Variants in CD68 observed in about 807,000 individuals in gnomAD.
The protein encoded by CD68 is CD68 molecule, also known as macrosialin.
In CD68, 24 loss-of-function variants were observed where a neutral mutation model predicts 31.3. That is an observed-to-expected ratio of 0.77 (90% CI 0.55 to 1.08). The LOEUF (loss-of-function observed/expected upper bound fraction) is 1.08. Ranked by LOEUF, CD68 falls within the 50% of genes least tolerant of loss-of-function variation. The pLI is 0.00. For missense variants in CD68, 461 were observed against 442.5 expected, an observed-to-expected ratio of 1.04 and a Z score of -0.38; for synonymous variants, 190 against 179.6, an observed-to-expected ratio of 1.06 and a Z score of -0.46.
rs747711312 is a variant in CD68 at position 7,580,592 on chromosome 17, C to G, written c.687+7C>G. 8 of 1,613,868 alleles carry G rather than the reference C, an allele frequency of 5.0e-6. No homozygotes were observed. The Admixed American group carries it at 1.3e-4, about 27-fold the overall frequency. On this transcript the variant is annotated splice_region_variant and intron_variant, in intron 3 of 5. Coordinates refer to ENST00000250092, the MANE Select transcript of CD68 (RefSeq NM_001251.3). This position sits in a 1 kb window ranked among gnomAD's most constrained non-coding sequence, Gnocchi z 4.3. ...CAGCTTTGGATTCATGCAGGTATAG[C>G]CATGACCTCAGTCTCACCCCTCACT...
chr17:7,580,927 T>TC lies in CD68; in HGVS notation c.793dup (p.Arg265ProfsTer53), dbSNP rs765881362. 1 of 1,613,810 alleles carries TC rather than the reference T, an allele frequency of 6.2e-7. No homozygotes were observed. The highest frequency in any genetic ancestry group is 8.5e-7 in the Non-Finnish European group (1 of 1,179,918). On this transcript the variant is annotated frameshift_variant, in exon 5 of 6. Transcript: ENST00000250092. LOFTEE classifies it high-confidence loss of function. This position sits in a 1 kb window ranked among gnomAD's most constrained non-coding sequence, Gnocchi z 4.3. ...CATTCTCGGCTCAGAATGCATCCCT[T>TC]CGAGATCTCCAAGCACCCCTGGGGC...
At position 7,581,891 on chromosome 17, in the gene CD68, C is replaced by G. The variant is rs2071490642; in HGVS notation, c.*380C>G. 1 of 232,872 alleles carries G rather than the reference C, an allele frequency of 4.3e-6. No homozygotes were observed. The highest frequency in any genetic ancestry group is 8.8e-6 in the Non-Finnish European group (1 of 113,402). The allele number at this position is 232,872 out of a possible 1,614,324, so 14.4% of individuals were successfully genotyped here. On this transcript the variant is annotated 3_prime_UTR_variant, in exon 6 of 6. Coordinates refer to ENST00000250092, the MANE Select transcript of CD68 (RefSeq NM_001251.3). ...AGTGAGCCGTCATCGCGCCACTAAGCCAAGATCGCGCCACTGCACTCCAGC... is the reference window on the plus strand; with the variant it reads ...AGTGAGCCGTCATCGCGCCACTAAGGCAAGATCGCGCCACTGCACTCCAGC...
Position 7,579,814 on chromosome 17 carries a change from G to C in CD68, c.54G>C (p.Gln18His). 12 of 1,612,770 alleles carry C rather than the reference G, an allele frequency of 7.4e-6. No homozygotes were observed. Among genetic ancestry groups the C allele is most frequent in the Non-Finnish European group, 1.0e-5 (12 of 1,179,124 alleles). Residue 18 changes from glutamine (Q) to histidine (H), a missense_variant, in exon 2 of 6, where the codon CAG becomes CAC. By Grantham distance (24) the Gln-to-His change is conservative. Coordinates refer to ENST00000250092, the MANE Select transcript of CD68 (RefSeq NM_001251.3). ...SGALLGLLAAQGTGNDCPHKK... is the reference protein window; with the variant it reads ...SGALLGLLAAHGTGNDCPHKK... Reference sequence around the variant, plus strand: ...CCATCTCCTCTCTGCCAAAAGCCCAGGGGACAGGGAATGACTGTCCTCACA... The same window carrying C: ...CCATCTCCTCTCTGCCAAAAGCCCACGGGACAGGGAATGACTGTCCTCACA...
chr17:7,581,242 CT>C (rs2071481235), intron 5 of CD68, 135 bp from the exon 6 acceptor site: 1 of 1,234,512 alleles, frequency 8.1e-7, no homozygotes, highest in African/African-American at 1.5e-5. Flanking sequence ...CAGTTTCCCC[CT>C]TTTATCACTG....
rs1201561941 is a variant in CD68, at chr17:7,580,353, G to A, written c.567+26G>A. 8.1e-6 allele frequency: 13 copies of A among 1,608,246 alleles called. No homozygotes were observed. Among genetic ancestry groups the A allele is most frequent in the South Asian group, 2.2e-5 (2 of 90,760 alleles). ...GTAAAGCTAAAACTGGGGGATGAGA[G>A]GGGAGGGAGGCAGGACTGGATATAG... On this transcript the variant is annotated intron_variant, in intron 2 of 5. Transcript: ENST00000250092. The surrounding 1 kb of genome is among the most constrained non-coding windows in gnomAD (Gnocchi z 4.3).
In CD68 at chr17:7,580,346, G is replaced by A. The variant is rs1484402217; in HGVS notation, c.567+19G>A. The stretch of plus-strand genomic sequence containing the variant: ...AGGAGAGGTAAAGCTAAAACTGGGG[G>A]ATGAGAGGGGAGGGAGGCAGGACTG... On this transcript the variant is annotated intron_variant, in intron 2 of 5. Coordinates refer to ENST00000250092, the MANE Select transcript of CD68 (RefSeq NM_001251.3). The surrounding 1 kb of genome is among the most constrained non-coding windows in gnomAD (Gnocchi z 4.3). 1.2e-6 allele frequency: 2 copies of A among 1,608,508 alleles called. No individual in the cohort carries two copies. The highest frequency in any genetic ancestry group is 2.2e-5 in the South Asian group (2 of 90,810).
intron 1 of CD68, 21 bp downstream of exon 1, chr17:7,579,747 G>A (rs770540898): frequency 6.2e-7 from 1 of 1,603,594 alleles, no homozygotes; most frequent in South Asian, 1.1e-5. Flanking sequence ...AGGAGGCTGA[G>A]GGGAGGGGGC....
chr17:7,581,492 C>A lies in CD68; in HGVS notation c.1046C>A (p.Ser349Tyr). Residue 349 changes from serine to tyrosine, a missense_variant, in exon 6 of 6, where the codon TCC becomes TAC. Ser to Tyr is a moderately radical substitution (Grantham distance 144, BLOSUM62 -2). Coordinates refer to ENST00000250092, the MANE Select transcript of CD68 (RefSeq NM_001251.3). ...IAFCIIRRRP[S>Y]AYQAL is the part of the protein sequence containing the mutation. ...TTCTGCATCATCCGGAGACGCCCAT[C>A]CGCCTACCAGGCCCTCTGAGCATTT... is the stretch of plus-strand genomic sequence containing the variant. 6.2e-7 allele frequency: 1 copy of A among 1,614,238 alleles called. No individual in the cohort carries two copies. The highest frequency in any genetic ancestry group is 1.1e-5 in the South Asian group (1 of 91,092).
Position 7,580,687 on chromosome 17 carries a change from T to A in CD68, c.688-24T>A. 1.9e-6 allele frequency: 3 copies of A among 1,613,892 alleles called. No homozygotes were observed. The highest frequency in any genetic ancestry group is 2.5e-6 in the Non-Finnish European group (3 of 1,179,870). On this transcript the variant is annotated intron_variant, in intron 3 of 5. Coordinates refer to ENST00000250092, the MANE Select transcript of CD68 (RefSeq NM_001251.3). The surrounding 1 kb of genome is among the most constrained non-coding windows in gnomAD (Gnocchi z 4.3). ...TTCCTCTGTGGAGAGGGATACCACC[T>A]GCGCCTTCCTCTTCGCCCCACAGGA... is the stretch of plus-strand genomic sequence containing the variant.
In CD68 at chr17:7,579,943, TCA is replaced by T; in HGVS notation, c.186_187del (p.His62GlnfsTer35). The stretch of plus-strand genomic sequence containing the variant: ...CTACCAAGAGCCACAAAACCACCAC[TCA>T]CAGGACAACCACCACAGGCACCACC... ...RTTKSHKTTT[H>X]RTTTTGTTSH... On this transcript the variant is annotated frameshift_variant, in exon 2 of 6. Transcript: ENST00000250092. LOFTEE classifies it high-confidence loss of function. 29 of 1,612,830 alleles carry T rather than the reference TCA, an allele frequency of 1.8e-5. No individual in the cohort carries two copies. The highest frequency in any genetic ancestry group is 2.4e-5 in the Non-Finnish European group (28 of 1,179,632).
rs772463282 is a variant in CD68 at position 7,580,958 on chromosome 17, T to C, written c.823T>C (p.Phe275Leu). Residue 275 changes from phenylalanine to leucine, a missense_variant, in exon 5 of 6, where the codon TTC (phenylalanine) becomes CTC (leucine). Transcript: ENST00000250092. This position sits in a 1 kb window ranked among gnomAD's most constrained non-coding sequence, Gnocchi z 4.3. ...TCTCCAAGCACCCCTGGGGCAGAGCTTCAGTTGCAGCAACTCGAGCATCAT... is the reference window on the plus strand; with the variant it reads ...TCTCCAAGCACCCCTGGGGCAGAGCCTCAGTTGCAGCAACTCGAGCATCAT... ...RDLQAPLGQS[F>L]SCSNSSIILS... 6.2e-7 allele frequency: 1 copy of C among 1,614,020 alleles called. No homozygotes were observed. The highest frequency in any genetic ancestry group is 8.5e-7 in the Non-Finnish European group (1 of 1,179,986).
At position 7,580,305 on chromosome 17, in the gene CD68, A is replaced by T; in HGVS notation, c.545A>T (p.Tyr182Phe). 6.2e-7 allele frequency: 1 copy of T among 1,613,866 alleles called. No homozygotes were observed. The highest frequency in any genetic ancestry group is 8.5e-7 in the Non-Finnish European group (1 of 1,179,892). The change falls in exon 2 of 6, where the codon TAC becomes TTC. Residue 182 changes from tyrosine (Y) to phenylalanine (F), a missense_variant. By Grantham distance (22) the Tyr-to-Phe change is conservative. Coordinates refer to ENST00000250092, the MANE Select transcript of CD68 (RefSeq NM_001251.3). The surrounding 1 kb of genome is among the most constrained non-coding windows in gnomAD (Gnocchi z 4.3). ...GCCCAGATTCAGATTCGAGTCATGT[A>T]CACAACCCAGGGTGGAGGAGAGGTA... ...LQAQIQIRVMYTTQGGGEAWG... is the reference protein window; with the variant it reads ...LQAQIQIRVMFTTQGGGEAWG...
In CD68 at chr17:7,579,857, C is replaced by A. The variant is rs369580940; in HGVS notation, c.97C>A (p.Leu33Met). 1.1e-5 allele frequency: 17 copies of A among 1,613,926 alleles called. No individual in the cohort carries two copies. Among genetic ancestry groups the A allele is most frequent in the Non-Finnish European group, 1.4e-5 (17 of 1,179,996 alleles). The stretch of plus-strand genomic sequence containing the variant: ...TCCTCACAAAAAATCAGCTACTTTG[C>A]TGCCATCCTTCACGGTGACACCCAC... ...DCPHKKSATL[L>M]PSFTVTPTVT... Residue 33 changes from leucine to methionine, a missense_variant, in exon 2 of 6, where the codon CTG becomes ATG. By Grantham distance (15) the Leu-to-Met change is conservative. Coordinates refer to ENST00000250092, the MANE Select transcript of CD68 (RefSeq NM_001251.3).
chr17:7,581,643 C>T lies in CD68; in HGVS notation c.*132C>T, dbSNP rs536599829. ...CTTTCTTGAAGAACAAAAAGAAAGC[C>T]GGGCATGACGGCTCATGCCTGTAAT... On this transcript the variant is annotated 3_prime_UTR_variant, in exon 6 of 6. Transcript: ENST00000250092. The T allele has an allele frequency of 1.0e-6, 1 of 976,492 alleles. No homozygotes were observed. Among genetic ancestry groups the T allele is most frequent in the African/African-American group, 1.6e-5 (1 of 61,770 alleles). 60.5% of individuals were successfully genotyped at this position (976,492 alleles called of 1,614,324 possible).
rs2071482869 is a variant in CD68, at chr17:7,581,378, G to A, written c.932G>A (p.Ser311Asn). 6.2e-6 allele frequency: 10 copies of A among 1,613,954 alleles called. No homozygotes were observed. The highest frequency in any genetic ancestry group is 8.5e-6 in the Non-Finnish European group (10 of 1,180,024). ...QLPHTGVFGQ[S>N]FSCPSDRSIL... ...CCTACCTGCCCTATCCTTCCGCCAG[G>A]TTTCTCCTGCCCCAGTGACCGGTCC... Residue 311 changes from serine (S) to asparagine (N), a missense_variant and splice_region_variant, in exon 6 of 6, where the codon AGT (serine) becomes AAT (asparagine). Transcript: ENST00000250092.
Position 7,580,815 on chromosome 17 carries a change from C to T in CD68, c.760+32C>T. The T allele has an allele frequency of 6.2e-7, 1 of 1,613,588 alleles. No individual in the cohort carries two copies. The highest frequency in any genetic ancestry group is 8.5e-7 in the Non-Finnish European group (1 of 1,179,570). The stretch of plus-strand genomic sequence containing the variant: ...AACCTCCTTCCCTTTCTCATTGCTA[C>T]CACTAGACGCCAGGGTTCCTGAAAG... On this transcript the variant is annotated intron_variant, in intron 4 of 5. Coordinates refer to ENST00000250092, the MANE Select transcript of CD68 (RefSeq NM_001251.3). The surrounding 1 kb of genome is among the most constrained non-coding windows in gnomAD (Gnocchi z 4.3).
chr17:7,580,957 C>T lies in CD68; in HGVS notation c.822C>T (p.Ser274=). 4 of 1,614,116 alleles carry T rather than the reference C, an allele frequency of 2.5e-6. No homozygotes were observed. Among genetic ancestry groups the T allele is most frequent in the Non-Finnish European group, 2.5e-6 (3 of 1,180,010 alleles). The change falls in exon 5 of 6, where the codon AGC becomes AGT. Residue 274 remains serine (S), a synonymous_variant. Coordinates refer to ENST00000250092, the MANE Select transcript of CD68 (RefSeq NM_001251.3). The surrounding 1 kb of genome is among the most constrained non-coding windows in gnomAD (Gnocchi z 4.3). ...ATCTCCAAGCACCCCTGGGGCAGAGCTTCAGTTGCAGCAACTCGAGCATCA... is the reference window on the plus strand; with the variant it reads ...ATCTCCAAGCACCCCTGGGGCAGAGTTTCAGTTGCAGCAACTCGAGCATCA... ...LRDLQAPLGQ[S]FSCSNSSIIL...
Position 7,579,819 on chromosome 17 carries a change from CAG to C in CD68, c.60_61del (p.Gly21GlufsTer2). On this transcript the variant is annotated frameshift_variant, in exon 2 of 6. Transcript: ENST00000250092. LOFTEE classifies it high-confidence loss of function. ...TCCTCTCTGCCAAAAGCCCAGGGGA[CAG>C]GGAATGACTGTCCTCACAAAAAATC... 3.1e-6 allele frequency: 5 copies of C among 1,613,246 alleles called. No homozygotes were observed. Among genetic ancestry groups the C allele is most frequent in the Non-Finnish European group, 4.2e-6 (5 of 1,179,432 alleles).
At chr17:7,581,121 C>T (rs1482089807) in intron 5 of CD68, 55 bp downstream of exon 5, 1 of 1,490,750 alleles carries the variant, frequency 6.7e-7, no homozygotes, top group Non-Finnish European at 9.3e-7. Context: ...CTGAAAACCC[C>T]TTCCCCAGGC....
Sources: allele counts gnomAD v4.1 joint callset, GRCh38; gene constraint gnomAD v4.1.1; non-coding constraint Gnocchi (gnomAD v3.1); transcripts MANE v1.5; gene names NCBI Gene and HGNC (gene_info 2026-07-23, HGNC 2026-07-21).